The following HOXA3 variants were observed in gnomAD, a reference collection of about 807,000 sequenced individuals.
HOXA3 encodes homeobox protein Hox-A3.
A neutral mutation model predicts 30.3 loss-of-function variants in HOXA3; 8 were observed. The observed-to-expected ratio is 0.26, with a 90% CI of 0.15 to 0.48. The LOEUF is 0.48. Among genes scored for constraint, HOXA3 ranks in the 20% least tolerant of loss-of-function variants. The pLI is 0.99. For synonymous variants in HOXA3, 323 were observed against 273.1 expected (o/e 1.18, Z -1.80); for missense variants, 653 against 614.4 (o/e 1.06, Z -0.66).
chr7:27,147,543 C>T, intron 1 of HOXA3: 1 of 1,614,152 alleles, frequency 6.2e-7, no homozygotes, highest in South Asian at 1.1e-5. Context: ...CGTAGGACGC[C>T]CGGTTGCAGG....
chr7:27,133,560 A>G (rs149494356), intron 2 of HOXA3, among the ~76,000 whole-genome samples: 1 of 152,336 alleles, frequency 6.6e-6, no homozygotes, highest in Non-Finnish European at 1.5e-5. Flanking sequence ...ACGTGCAGGG[A>G]TAACATATAT....
At chr7:27,139,005 G>A (rs1785803487) in intron 2 of HOXA3, among the ~76,000 whole-genome samples, 1 of 152,172 alleles carries the variant, frequency 6.6e-6, no homozygotes, top group Non-Finnish European at 1.5e-5. Context: ...TGTATGTTGA[G>A]GGGGAGTGAA....
At chr7:27,142,334 G>T (rs1782600634) in intron 1 of HOXA3, among the ~76,000 whole-genome samples, 1 of 152,156 alleles carries the variant, frequency 6.6e-6, no homozygotes, top group East Asian at 1.9e-4. Flanking sequence ...GCTTTCCCTG[G>T]CCCCTCTCCT....
intron 1 of HOXA3, among the ~76,000 whole-genome samples, chr7:27,148,345 G>C (rs1782858202): frequency 6.6e-6 from 1 of 152,264 alleles, no homozygotes; most frequent in Admixed American, 6.5e-5. Context: ...GCTGGAGCAA[G>C]GGCCATGAGA....
intron 4 of HOXA3, among the ~76,000 whole-genome samples, chr7:27,121,704 AG>A: frequency 6.6e-6 from 1 of 152,346 alleles, no homozygotes; most frequent in East Asian, 1.9e-4. Flanking sequence ...CTTTTTAAAA[AG>A]AAGTAATTCC....
chr7:27,141,885 T>C (rs756800264), intron 1 of HOXA3: 1 of 1,614,060 alleles, frequency 6.2e-7, no homozygotes. Context: ...CTTTTCAGCT[T>C]ATTATCTTTT....
intron 1 of HOXA3, chr7:27,143,308 C>A (rs1428198835): frequency 7.5e-6 from 12 of 1,599,966 alleles, no homozygotes; most frequent in South Asian, 1.1e-5. Flanking sequence ...AGCAGGGCAG[C>A]GGATCGGGCT....
chr7:27,151,845 C>A (rs1782982289), intron 1 of HOXA3, among the ~76,000 whole-genome samples: 1 of 152,188 alleles, frequency 6.6e-6, no homozygotes, highest in African/African-American at 2.4e-5. Context: ...GTTGGGGAAT[C>A]CAACAAAACC....
chr7:27,109,958 T>G (rs1036520270), intron 5 of HOXA3, 157 bp downstream of exon 5: 2 of 855,064 alleles, frequency 2.3e-6, no homozygotes, highest in Non-Finnish European at 3.6e-6. Flanking sequence ...CTCCCTAAGT[T>G]GCAAAGACTA....
chr7:27,114,845 A>ATATATATTATATATT, intron 4 of HOXA3, among the ~76,000 whole-genome samples: 1 of 26,842 alleles, frequency 3.7e-5, no homozygotes, highest in Non-Finnish European at 9.7e-5. Flanking sequence ...TTATATATAT[A>ATATATATTATATATT]ATATATATTA....
chr7:27,118,385 T>A (rs908562383), intron 4 of HOXA3, among the ~76,000 whole-genome samples: 1 of 152,144 alleles, frequency 6.6e-6, no homozygotes, highest in Non-Finnish European at 1.5e-5. Flanking sequence ...GCCACAATAA[T>A]GCGCTGTATT....
At position 27,107,895 on chromosome 7, in the gene HOXA3, G is replaced by A; in HGVS notation, c.*20C>T. ...GTGGGTGGGGGGAGACTCTCCTGGC[G>A]CGTAGCCCCAAGCCCACTATCACAG... On this transcript the variant is annotated 3_prime_UTR_variant, in exon 6 of 6. Coordinates refer to ENST00000612286, the MANE Select transcript of HOXA3 (RefSeq NM_153631.3). The A allele has an allele frequency of 6.8e-7, 1 of 1,474,796 alleles. No individual in the cohort carries two copies. The highest frequency in any genetic ancestry group is 9.1e-7 in the Non-Finnish European group (1 of 1,093,606). 91.4% of individuals were successfully genotyped at this position (1,474,796 alleles called of 1,614,324 possible).
chr7:27,118,309 C>G (rs1177726945), intron 4 of HOXA3, among the ~76,000 whole-genome samples: 1 of 152,202 alleles, frequency 6.6e-6, no homozygotes, highest in Non-Finnish European at 1.5e-5. Context: ...GGGGAAAGCT[C>G]TGGCTCTGTA....
At position 27,113,879 on chromosome 7, in the gene HOXA3, A is replaced by G. The variant is rs933844686; in HGVS notation, c.-120-3119T>C. On this transcript the variant is annotated intron_variant, in intron 4 of 5. Coordinates refer to ENST00000612286, the MANE Select transcript of HOXA3 (RefSeq NM_153631.3). The surrounding 1 kb of genome is among the most constrained non-coding windows in gnomAD (Gnocchi z 4.8). ...GACCCCCCTCCCACCCACCCCACCCACCCACCCCTCCCCCACACCCCCGCC... is the reference window on the plus strand; with the variant it reads ...GACCCCCCTCCCACCCACCCCACCCGCCCACCCCTCCCCCACACCCCCGCC... 2.3e-5 allele frequency: 1 copy of G among 42,982 alleles called. No individual in the cohort carries two copies. The highest frequency in any genetic ancestry group is 8.8e-5 in the African/African-American group (1 of 11,302). The allele number at this position is 42,982 out of a possible 1,614,324, so 2.7% of individuals were successfully genotyped here.
intron 4 of HOXA3, among the ~76,000 whole-genome samples, chr7:27,114,528 A>T (rs1212734397): frequency 6.6e-6 from 1 of 151,872 alleles, no homozygotes; most frequent in African/African-American, 2.4e-5. Flanking sequence ...ATTTTCAGGC[A>T]GAAACTGCTG....
chr7:27,147,705 G>C, intron 1 of HOXA3: 1 of 1,612,730 alleles, frequency 6.2e-7, no homozygotes, highest in Middle Eastern at 1.7e-4. Flanking sequence ...CCTGGCCGCT[G>C]GGAAGGCTCC....
intron 4 of HOXA3, among the ~76,000 whole-genome samples, chr7:27,114,871 T>TTATATATATTATATATATTA (rs1554336707): frequency 1.4e-4 from 15 of 110,806 alleles, no homozygotes; most frequent in African/African-American, 4.9e-4. Context: ...ATAATATATA[T>TTATATATATTATATATATTA]TATATATATG....
intron 4 of HOXA3, among the ~76,000 whole-genome samples, chr7:27,118,770 C>A (rs1255252650): frequency 6.6e-6 from 1 of 152,210 alleles, no homozygotes; most frequent in Non-Finnish European, 1.5e-5. Flanking sequence ...GCCAGTATAT[C>A]AAAAGGCAAG....
At chr7:27,129,094 T>C in intron 2 of HOXA3, 1 of 727,660 alleles carries the variant, frequency 1.4e-6, no homozygotes. Flanking sequence ...TTTTGATTAT[T>C]CTTTTCACCA....
Sources: gnomAD v4.1 joint callset for allele counts (sites outside exome capture counted in the v4.1 genomes callset) on GRCh38, gnomAD v4.1.1 for gene constraint, Gnocchi (gnomAD v3.1) non-coding constraint, MANE v1.5 for transcripts, NCBI Gene and HGNC (gene_info 2026-07-23, HGNC 2026-07-21) for gene names.